TPRG1: variants seen among roughly 807,000 people sequenced by gnomAD.
TPRG1 encodes tumor protein p63 regulated 1, also known as tumor protein p63-regulated gene 1 protein.
Under a neutral mutation model 29.3 loss-of-function variants are expected in TPRG1, and 29 were observed. The ratio of observed to expected loss-of-function variants is 0.99; its 90% CI spans 0.74 to 1.35. The LOEUF (loss-of-function observed/expected upper bound fraction) is 1.35, where lower values mean the gene tolerates loss of function less well. Ranked by LOEUF, TPRG1 falls within the 40% of genes most tolerant of loss-of-function variation. The pLI is 0.00. For synonymous variants in TPRG1, 130 were observed against 116.8 expected, an observed-to-expected ratio of 1.11 and a Z score of -0.73; for missense variants, 327 against 335.0, an observed-to-expected ratio of 0.98 and a Z score of 0.19.
chr3:189,178,196 G>A lies in TPRG1; in HGVS notation c.-10+6065G>A, dbSNP rs138836444. ...AATGGGCACCAGCTGTGAGGAAAAG[G>A]ATGGGTTTTTATTGAGGTGGAGGAA... On this transcript the variant is annotated intron_variant, in intron 1 of 5. Coordinates refer to ENST00000345063, the MANE Select transcript of TPRG1 (RefSeq NM_198485.4). Among the ~76,000 whole-genome samples the A allele has an allele frequency of 9.8e-5, 15 of 152,316 alleles. No homozygotes were observed. The East Asian group carries it at 2.9e-3, about 29-fold the overall frequency.
intron 1 of TPRG1, among the ~76,000 whole-genome samples, chr3:189,192,310 C>G (rs1362486123): frequency 6.6e-6 from 1 of 152,104 alleles, no homozygotes; most frequent in Non-Finnish European, 1.5e-5. Context: ...CGTGGAAGCT[C>G]CATGTAGTAA....
chr3:189,277,989 G>T (rs527416015), intron 4 of TPRG1, among the ~76,000 whole-genome samples: 2 of 152,118 alleles, frequency 1.3e-5, no homozygotes, highest in African/African-American at 4.8e-5. Flanking sequence ...CTATTTCTTT[G>T]TATCCATAAG....
intron 3 of TPRG1, among the ~76,000 whole-genome samples, chr3:189,140,104 T>G (rs1217816195): frequency 2.0e-5 from 3 of 152,198 alleles, no homozygotes; most frequent in African/African-American, 7.2e-5. Flanking sequence ...TCTGTAGTCG[T>G]AAGCATAGGA....
chr3:189,320,605 C>A, intron 5 of TPRG1, 21 bp from the exon 6 acceptor site: 2 of 1,578,278 alleles, frequency 1.3e-6, no homozygotes, highest in Non-Finnish European at 1.7e-6. Context: ...TAACTTTGTG[C>A]CTTCTTTTTT....
intron 4 of TPRG1, among the ~76,000 whole-genome samples, chr3:189,035,111 T>C (rs1287233633): frequency 6.6e-6 from 1 of 151,992 alleles, no homozygotes. Context: ...GGAACAGGGT[T>C]GAGAACCCAG....
At chr3:189,219,517 T>C in intron 3 of TPRG1, 1 of 789,124 alleles carries the variant, frequency 1.3e-6, no homozygotes, top group Non-Finnish European at 1.7e-6. Context: ...TTGGCCCTTC[T>C]GAAAAAAAAA....
intron 1 of TPRG1, among the ~76,000 whole-genome samples, chr3:189,119,751 CG>C (rs1721610355): frequency 1.3e-5 from 2 of 152,284 alleles, no homozygotes; most frequent in Non-Finnish European, 2.9e-5. Flanking sequence ...CTGCCATGGT[CG>C]TAAGTTTCCT....
chr3:189,104,670 C>G (rs1193447157), intron 1 of TPRG1, among the ~76,000 whole-genome samples: 1 of 151,940 alleles, frequency 6.6e-6, no homozygotes, highest in Admixed American at 6.6e-5. Flanking sequence ...AGATCAATGT[C>G]TACTGTTTCA....
At chr3:189,038,145 A>G (rs561574157) in intron 4 of TPRG1, among the ~76,000 whole-genome samples, 15 of 151,978 alleles carry the variant, frequency 9.9e-5, no homozygotes, top group Non-Finnish European at 1.6e-4. Flanking sequence ...CTATTATTAT[A>G]TAACCATAAA....
intron 1 of TPRG1, among the ~76,000 whole-genome samples, chr3:189,116,504 A>G (rs1721194310): frequency 1.3e-5 from 2 of 152,192 alleles, no homozygotes; most frequent in African/African-American, 2.4e-5. Context: ...ACCCATATTC[A>G]TAGCAGCATT....
intron 4 of TPRG1, among the ~76,000 whole-genome samples, chr3:189,075,458 A>G (rs113701334): frequency 6.6e-6 from 1 of 152,048 alleles, no homozygotes; most frequent in Non-Finnish European, 1.5e-5. Flanking sequence ...TTTTTGCTTC[A>G]TTGGTTGTCT....
At chr3:189,038,273 A>C (rs931118647) in intron 4 of TPRG1, among the ~76,000 whole-genome samples, 1 of 152,108 alleles carries the variant, frequency 6.6e-6, no homozygotes, top group Non-Finnish European at 1.5e-5. Flanking sequence ...TTTGCCTGTG[A>C]AAATTTTACT....
intron 1 of TPRG1, among the ~76,000 whole-genome samples, chr3:189,118,689 C>T (rs577115085): frequency 2.4e-4 from 37 of 152,316 alleles, no homozygotes; most frequent in African/African-American, 7.7e-4. Context: ...ATTGCTTCAG[C>T]GAGTGCAAAC....
At chr3:189,006,162 C>G (rs1430795166) in intron 3 of TPRG1, among the ~76,000 whole-genome samples, 3 of 152,084 alleles carry the variant, frequency 2.0e-5, no homozygotes, top group African/African-American at 7.2e-5. Flanking sequence ...CCGCATGCAG[C>G]TTCCCGATCA....
intron 4 of TPRG1, among the ~76,000 whole-genome samples, chr3:189,029,020 T>C (rs1713805285): frequency 6.7e-6 from 1 of 149,088 alleles, no homozygotes; most frequent in African/African-American, 2.6e-5. Flanking sequence ...AGTAAGTGTT[T>C]TCAATAAAAA....
At chr3:189,277,782 C>A (rs763040995) in intron 4 of TPRG1, among the ~76,000 whole-genome samples, 6 of 152,134 alleles carry the variant, frequency 3.9e-5, no homozygotes, top group Non-Finnish European at 8.8e-5. Flanking sequence ...GAGTCCAATC[C>A]CACATTGTTG....
rs553172973 is a variant in TPRG1, at chr3:189,149,036, A to G, written c.-227+1389A>G. On this transcript the variant is annotated intron_variant, in intron 4 of 6. Coordinates refer to the TPRG1 transcript ENST00000412373. Reference sequence around the variant, plus strand: ...CTGGTGTTAGCACCAGCTTCGTCCTATCCCTCCTATGTCATAGGTATCCAT... The same window carrying G: ...CTGGTGTTAGCACCAGCTTCGTCCTGTCCCTCCTATGTCATAGGTATCCAT... Among the ~76,000 whole-genome samples the G allele has an allele frequency of 3.8e-4, 58 of 152,256 alleles. 1 individual carries two copies. The highest frequency in any genetic ancestry group is 1.3e-3 in the African/African-American group (56 of 41,554).
At chr3:189,245,608 A>G (rs1741258833) in intron 4 of TPRG1, among the ~76,000 whole-genome samples, 2 of 152,112 alleles carry the variant, frequency 1.3e-5, no homozygotes, top group African/African-American at 2.4e-5. Context: ...TATGAAGCTC[A>G]TTATGATATA....
chr3:189,134,233 C>T (rs1182655823), intron 3 of TPRG1, among the ~76,000 whole-genome samples: 1 of 152,020 alleles, frequency 6.6e-6, no homozygotes, highest in African/African-American at 2.4e-5. Context: ...GTTTCCTCAT[C>T]TGCAAAATGA....
Sources: gnomAD v4.1 joint callset for allele counts (sites outside exome capture counted in the v4.1 genomes callset) on GRCh38, gnomAD v4.1.1 for gene constraint, MANE v1.5 for transcripts, NCBI Gene and HGNC (gene_info 2026-07-23, HGNC 2026-07-21) for gene names.